SLC2A4RG: variants seen among roughly 807,000 people sequenced by gnomAD.
The protein encoded by SLC2A4RG is SLC2A4 regulator.
SLC2A4RG carries 23 observed loss-of-function variants against 35.5 expected under a neutral mutation model. The ratio of observed to expected loss-of-function variants is 0.65; its 90% CI spans 0.47 to 0.92. The LOEUF is 0.92. Ranked by LOEUF, SLC2A4RG falls within the 40% of genes least tolerant of loss-of-function variation. The pLI, the probability that SLC2A4RG is intolerant of heterozygous loss-of-function variation, is 0.00. For synonymous variants in SLC2A4RG, 306 were observed against 243.7 expected (o/e 1.26, Z -2.38); for missense variants, 539 against 525.0 (o/e 1.03, Z -0.26).
chr20:63,742,535 C>T lies in SLC2A4RG; in HGVS notation c.880C>T (p.Pro294Ser), dbSNP rs1338270383. Residue 294 changes from proline to serine, a missense_variant, in exon 6 of 8, where the codon CCT becomes TCT. Transcript: ENST00000266077. ...PPALPSPLRP[P>S]APPLPPPPVL... ...AGCCCTGCCTAGTCCCCTGCGGCCG[C>T]CTGCCCCGCCCCTGCCCCCGCCCCC... 2 of 1,560,960 alleles carry T rather than the reference C, an allele frequency of 1.3e-6. No individual in the cohort carries two copies. Among genetic ancestry groups the T allele is most frequent in the Non-Finnish European group, 8.7e-7 (1 of 1,152,358 alleles).
Position 63,742,976 on chromosome 20 carries a change from C to CGGTTCCT in SLC2A4RG, c.1153_1159dup (p.Asp387ValfsTer12), listed in dbSNP as rs1447382485. The CGGTTCCT allele has an allele frequency of 3.7e-6, 6 of 1,610,514 alleles. No homozygotes were observed. Among genetic ancestry groups the CGGTTCCT allele is most frequent in the Non-Finnish European group, 5.1e-6 (6 of 1,178,678 alleles). ...CTGCCGCTGGAAGAAAGCCTGCCAG[C>CGGTTCCT]GGTTCCTGGACTAAGTCCGGCTCGT... is the stretch of plus-strand genomic sequence containing the variant. On this transcript the variant is annotated frameshift_variant, in exon 8 of 8. Coordinates refer to ENST00000266077, the MANE Select transcript of SLC2A4RG (RefSeq NM_020062.4). LOFTEE classifies it high-confidence loss of function.
chr20:63,740,224 G>A, intron 1 of SLC2A4RG, 153 bp from the exon 2 acceptor site: 2 of 456,826 alleles, frequency 4.4e-6, no homozygotes, highest in Non-Finnish European at 6.0e-6. Flanking sequence ...CCGCCGCGCC[G>A]GGCTGGGGGC....
chr20:63,740,310 C>T (rs1601364996), intron 1 of SLC2A4RG, 67 bp from the exon 2 acceptor site: 24 of 1,051,348 alleles, frequency 2.3e-5, no homozygotes, highest in Non-Finnish European at 2.7e-5. Flanking sequence ...GGATCCGCGG[C>T]GGAGGTTGAG....
chr20:63,740,250 G>C (rs1217954523), intron 1 of SLC2A4RG, 127 bp from the exon 2 acceptor site: 1 of 615,396 alleles, frequency 1.6e-6, no homozygotes, highest in East Asian at 4.9e-5. Flanking sequence ...CGGGGGCGGG[G>C]CCGCGCCGTC....
In SLC2A4RG at chr20:63,740,073, G is replaced by T. The variant is rs780929376; in HGVS notation, c.126+35G>T. 1.9e-3 allele frequency: 1,775 copies of T among 932,668 alleles called. 3 individuals are homozygous for T. The highest frequency in any genetic ancestry group is 2.2e-3 in the Non-Finnish European group (1,704 of 783,600). The allele number at this position is 932,668 out of a possible 1,614,324, so 57.8% of individuals were successfully genotyped here. The stretch of plus-strand genomic sequence containing the variant: ...GCCGGTGGGCGGGGGCGCCGACCAA[G>T]TTTCTCTCGCTGCAAAGATGGCGTC... On this transcript the variant is annotated intron_variant, in intron 1 of 7. Coordinates refer to ENST00000266077, the MANE Select transcript of SLC2A4RG (RefSeq NM_020062.4).
At position 63,743,058 on chromosome 20, in the gene SLC2A4RG, A is replaced by C; in HGVS notation, c.*68A>C. Reference sequence around the variant, plus strand: ...CCACCCCCTCCAGGCCCGGGGCTGAAACAGCCCGAGGACAGCCCCAGGGGC... The same window carrying C: ...CCACCCCCTCCAGGCCCGGGGCTGACACAGCCCGAGGACAGCCCCAGGGGC... On this transcript the variant is annotated 3_prime_UTR_variant, in exon 8 of 8. Coordinates refer to ENST00000266077, the MANE Select transcript of SLC2A4RG (RefSeq NM_020062.4). The C allele has an allele frequency of 8.4e-7, 1 of 1,184,358 alleles. No homozygotes were observed. The highest frequency in any genetic ancestry group is 1.1e-6 in the Non-Finnish European group (1 of 884,446). 73.4% of individuals were successfully genotyped at this position (1,184,358 alleles called of 1,614,324 possible).
rs376047910 is a variant in SLC2A4RG at position 63,742,795 on chromosome 20, G to T, written c.1052+5G>T. ...CAGGATCGGAGTCACCCTGAGGTGC[G>T]TGTGGGCTGAGGGCCTGCGGCTGGC... On this transcript the variant is annotated splice_donor_5th_base_variant and intron_variant, in intron 7 of 7. Coordinates refer to ENST00000266077, the MANE Select transcript of SLC2A4RG (RefSeq NM_020062.4). 3 of 1,578,944 alleles carry T rather than the reference G, an allele frequency of 1.9e-6. No homozygotes were observed. The African/African-American group carries it at 4.0e-5, about 21-fold the overall frequency.
chr20:63,741,249 G>A (rs1205321969), intron 2 of SLC2A4RG, 121 bp from the exon 3 acceptor site: 1 of 895,502 alleles, frequency 1.1e-6, no homozygotes, highest in Non-Finnish European at 1.7e-6. Context: ...CAGGCCTCAT[G>A]CCCAGGGCTG....
chr20:63,740,063 C>T (rs899948686), intron 1 of SLC2A4RG, 25 bp downstream of exon 1: 2 of 953,096 alleles, frequency 2.1e-6, no homozygotes, highest in Non-Finnish European at 2.5e-6. Flanking sequence ...TGGGCGGGGG[C>T]GCCGACCAAG....
chr20:63,740,484 G>A lies in SLC2A4RG; in HGVS notation c.234G>A (p.Ala78=), dbSNP rs1601365163. ...LGAPRTWTGA[A]AGPRTPSAHI... ...CCCCCCGGACGTGGACGGGGGCGGC[G>A]GCGGGGCCCCGGACTCCGTCGGCGC... Residue 78 remains alanine, a synonymous_variant, in exon 2 of 8, where the codon GCG becomes GCA. Transcript: ENST00000266077. 1 of 1,229,964 alleles carries A rather than the reference G, an allele frequency of 8.1e-7. No individual in the cohort carries two copies. The highest frequency in any genetic ancestry group is 1.0e-6 in the Non-Finnish European group (1 of 986,220). The allele number at this position is 1,229,964 out of a possible 1,614,324, so 76.2% of individuals were successfully genotyped here.
At position 63,743,592 on chromosome 20, in the gene SLC2A4RG, G is replaced by C. The variant is rs2092057408; in HGVS notation, c.*602G>C. 1 of 152,458 alleles carries C rather than the reference G, an allele frequency of 6.6e-6. No individual in the cohort carries two copies. The allele number at this position is 152,458 out of a possible 1,614,324, so 9.4% of individuals were successfully genotyped here. ...GGAGTCTGGCAGCTGCCCACAGAGG[G>C]CCGAGGGTCACCCGTCGGCCGCCGC... On this transcript the variant is annotated 3_prime_UTR_variant, in exon 8 of 8. Coordinates refer to ENST00000266077, the MANE Select transcript of SLC2A4RG (RefSeq NM_020062.4).
At position 63,742,129 on chromosome 20, in the gene SLC2A4RG, G is replaced by A. The variant is rs1160285234; in HGVS notation, c.580-1G>A. ...CCTGACCCTGGCCCCTGTTGCTGCA[G>A]AGCCCGGCCCAGGTCATGTTCCAGT... On this transcript the variant is annotated splice_acceptor_variant, in intron 4 of 7. Transcript: ENST00000266077. LOFTEE classifies it high-confidence loss of function. 1 of 1,604,120 alleles carries A rather than the reference G, an allele frequency of 6.2e-7. No homozygotes were observed. Among genetic ancestry groups the A allele is most frequent in the Admixed American group, 1.7e-5 (1 of 58,864 alleles).
Position 63,740,415 on chromosome 20 carries a change from C to G in SLC2A4RG, c.165C>G (p.Phe55Leu). 1 of 1,229,716 alleles carries G rather than the reference C, an allele frequency of 8.1e-7. No homozygotes were observed. Among genetic ancestry groups the G allele is most frequent in the Non-Finnish European group, 1.0e-6 (1 of 985,736 alleles). The allele number at this position is 1,229,716 out of a possible 1,614,324, so 76.2% of individuals were successfully genotyped here. A position where few individuals can be genotyped will look rare whatever the true frequency, so the allele number is the denominator to read the frequency against. ...GCGGCGGCTTCGCGGGCTTGGAGTT[C>G]GCGCGGCCGCAGGAGTCGGAGCCGC... The part of the protein sequence containing the change: ...SVGGGFAGLE[F>L]ARPQESEPRA... Residue 55 changes from phenylalanine (F) to leucine (L), a missense_variant, in exon 2 of 8, where the codon TTC (phenylalanine) becomes TTG (leucine). Physicochemically the swap from Phe to Leu is conservative, Grantham distance 22. Coordinates refer to ENST00000266077, the MANE Select transcript of SLC2A4RG (RefSeq NM_020062.4).
rs1263253270 is a variant in SLC2A4RG, at chr20:63,742,601, G to C, written c.946G>C (p.Asp316His). ...TGCTAACCCCCAGTCCTGTCACAGT[G>C]ACCGTGTCTACCAGGTGGGTGAGGC... ...TVANPQSCHS[D>H]RVYQGCLTPA... The change falls in exon 6 of 8, where the codon GAC becomes CAC. Residue 316 changes from aspartate to histidine, a missense_variant. Transcript: ENST00000266077. 20 of 1,576,574 alleles carry C rather than the reference G, an allele frequency of 1.3e-5. No homozygotes were observed. The highest frequency in any genetic ancestry group is 8.6e-5 in the Admixed American group (5 of 58,130).
In SLC2A4RG at chr20:63,743,004, A is replaced by G; in HGVS notation, c.*14A>G. On this transcript the variant is annotated 3_prime_UTR_variant, in exon 8 of 8. Coordinates refer to ENST00000266077, the MANE Select transcript of SLC2A4RG (RefSeq NM_020062.4). ...TTCCTGGACTAAGTCCGGCTCGTTCAAGAACATAAGCTACCACCTTCTCCC... is the reference window on the plus strand; with the variant it reads ...TTCCTGGACTAAGTCCGGCTCGTTCGAGAACATAAGCTACCACCTTCTCCC... 6.3e-7 allele frequency: 1 copy of G among 1,590,912 alleles called. No homozygotes were observed. The highest frequency in any genetic ancestry group is 8.6e-7 in the Non-Finnish European group (1 of 1,166,986).
intron 3 of SLC2A4RG, 39 bp downstream of exon 3, chr20:63,741,518 G>T (rs913134248): frequency 1.9e-6 from 3 of 1,571,916 alleles, no homozygotes; most frequent in African/African-American, 1.4e-5. Flanking sequence ...TGTGGGTGGG[G>T]ACAGGGCTCA....
chr20:63,743,704 C>T lies in SLC2A4RG; in HGVS notation c.*714C>T, dbSNP rs958757200. The T allele has an allele frequency of 6.6e-6, 1 of 152,384 alleles. No homozygotes were observed. Among genetic ancestry groups the T allele is most frequent in the Admixed American group, 6.5e-5 (1 of 15,282 alleles). 9.4% of individuals were successfully genotyped at this position (152,384 alleles called of 1,614,324 possible). A position where few individuals can be genotyped will look rare whatever the true frequency, so the allele number is the denominator to read the frequency against. On this transcript the variant is annotated 3_prime_UTR_variant, in exon 8 of 8. Coordinates refer to ENST00000266077, the MANE Select transcript of SLC2A4RG (RefSeq NM_020062.4). Reference sequence around the variant, plus strand: ...AATTTCCCAATTTATTGAAAGTGATCGCTTTGCAAGGATGTCTAAGCTAAT... The same window carrying T: ...AATTTCCCAATTTATTGAAAGTGATTGCTTTGCAAGGATGTCTAAGCTAAT...
At chr20:63,740,881 C>G (rs1165101499) in intron 2 of SLC2A4RG, among the ~76,000 whole-genome samples, 2 of 152,164 alleles carry the variant, frequency 1.3e-5, no homozygotes, top group Non-Finnish European at 2.9e-5. Flanking sequence ...CTCGGTCTGG[C>G]TGCCAGGGCA....
chr20:63,743,792 C>A lies in SLC2A4RG; in HGVS notation c.*802C>A, dbSNP rs574031627. The A allele has an allele frequency of 6.6e-6, 1 of 152,492 alleles. No individual in the cohort carries two copies. Among genetic ancestry groups the A allele is most frequent in the Non-Finnish European group, 1.5e-5 (1 of 68,052 alleles). 9.4% of individuals were successfully genotyped at this position (152,492 alleles called of 1,614,324 possible). On this transcript the variant is annotated 3_prime_UTR_variant, in exon 8 of 8. Coordinates refer to ENST00000266077, the MANE Select transcript of SLC2A4RG (RefSeq NM_020062.4). ...AAACTTGGAGACTCACCGCAGAGGC[C>A]ACGTGAACCCACGGCCACAGAGAGG...
Sources: allele counts gnomAD v4.1 joint callset (sites outside exome capture counted in the v4.1 genomes callset), GRCh38; gene constraint gnomAD v4.1.1; transcripts MANE v1.5; gene names NCBI Gene and HGNC (gene_info 2026-07-23, HGNC 2026-07-21).